MET: variants seen among roughly 807,000 people sequenced by gnomAD.
MET encodes the protein hepatocyte growth factor receptor.
A neutral mutation model predicts 133.1 loss-of-function variants in MET; 48 were observed. The ratio of observed to expected loss-of-function variants is 0.36; its 90% CI spans 0.29 to 0.46. The LOEUF is 0.46. Among genes scored for constraint, MET ranks in the 20% least tolerant of loss-of-function variants. The pLI, the probability that MET is intolerant of heterozygous loss-of-function variation, is 1.00. For synonymous variants in MET, 628 were observed against 616.5 expected (o/e 1.02, Z -0.28); for missense variants, 1,442 against 1,695.9 (o/e 0.85, Z 2.63).
intron 1 of MET, among the ~76,000 whole-genome samples, chr7:116,678,432 GT>G (rs3840635): frequency 0.6 from 91,505 of 151,568 alleles, 29,426 homozygotes; most frequent in African/African-American, 0.83. Flanking sequence ...GAAAATGTAT[GT>G]TTTTTTTTAA....
At chr7:116,723,755 G>C (rs1400781732) in intron 2 of MET, among the ~76,000 whole-genome samples, 3 of 152,196 alleles carry the variant, frequency 2.0e-5, no homozygotes, top group Non-Finnish European at 4.4e-5. Flanking sequence ...TGAGGTGTCA[G>C]TGTGCCCCTG....
chr7:116,739,693 T>C (rs1239692748), intron 3 of MET, among the ~76,000 whole-genome samples: 2 of 152,168 alleles, frequency 1.3e-5, no homozygotes, highest in Non-Finnish European at 2.9e-5. Flanking sequence ...GTGCTGCCAA[T>C]TGATTGAAAG....
intron 10 of MET, 105 bp downstream of exon 10, chr7:116,759,595 C>G (rs1412529742): frequency 7.7e-7 from 1 of 1,305,166 alleles, no homozygotes; most frequent in Admixed American, 2.0e-5. Flanking sequence ...TTAAGGTTTG[C>G]TAGTTAATTT....
At chr7:116,759,808 A>C (rs1439445236) in intron 10 of MET, among the ~76,000 whole-genome samples, 1 of 152,046 alleles carries the variant, frequency 6.6e-6, no homozygotes, top group African/African-American at 2.4e-5. Flanking sequence ...ACAGTATCTC[A>C]CCCTGTCATC....
intron 19 of MET, among the ~76,000 whole-genome samples, chr7:116,783,692 T>G (rs1795221294): frequency 6.6e-6 from 1 of 152,188 alleles, no homozygotes; most frequent in Non-Finnish European, 1.5e-5. Flanking sequence ...ACCAGCTCCT[T>G]AGGAAGCCCA....
At chr7:116,793,425 C>CT (rs1337643347) in intron 19 of MET, among the ~76,000 whole-genome samples, 16 of 151,572 alleles carry the variant, frequency 1.1e-4, no homozygotes, top group African/African-American at 3.6e-4. Flanking sequence ...TCTGCCCACC[C>CT]CCGCCTCCCA....
At chr7:116,711,206 C>T (rs956490139) in intron 2 of MET, among the ~76,000 whole-genome samples, 3 of 152,196 alleles carry the variant, frequency 2.0e-5, no homozygotes, top group African/African-American at 4.8e-5. Flanking sequence ...TTGTTTAATG[C>T]TGTGTTTCCT....
At chr7:116,781,302 C>A (rs1410677667) in intron 17 of MET, among the ~76,000 whole-genome samples, 1 of 152,120 alleles carries the variant, frequency 6.6e-6, no homozygotes, top group Admixed American at 6.5e-5. Flanking sequence ...ACAGGGTGTG[C>A]CTCCTCCTCT....
chr7:116,735,924 G>A (rs1401842100), intron 3 of MET, among the ~76,000 whole-genome samples: 6 of 151,868 alleles, frequency 4.0e-5, no homozygotes, highest in African/African-American at 1.2e-4. Flanking sequence ...TTACAGGCAC[G>A]TACCACCATG....
chr7:116,757,434 C>A lies in MET; in HGVS notation c.1863-3C>A. ...TGTATTAAACTTTGGGTTTTTTTTC[C>A]AGATTGAAATGCACAGTTGGTCCTG... is the stretch of plus-strand genomic sequence containing the variant. On this transcript the variant is annotated splice_region_variant and splice_polypyrimidine_tract_variant and intron_variant, in intron 6 of 20. Transcript: ENST00000397752. 6.2e-7 allele frequency: 1 copy of A among 1,612,196 alleles called. No homozygotes were observed. The highest frequency in any genetic ancestry group is 1.1e-5 in the South Asian group (1 of 91,006).
At chr7:116,759,122 T>C (rs1232105599) in intron 9 of MET, among the ~76,000 whole-genome samples, 1 of 152,274 alleles carries the variant, frequency 6.6e-6, no homozygotes. Flanking sequence ...CGGTTTTCTT[T>C]GTATTTTTTT....
chr7:116,734,372 T>G (rs1163426074), intron 3 of MET, among the ~76,000 whole-genome samples: 1 of 152,258 alleles, frequency 6.6e-6, no homozygotes, highest in African/African-American at 2.4e-5. Context: ...TTTCCTATTG[T>G]GCTTATGTTC....
intron 3 of MET, among the ~76,000 whole-genome samples, chr7:116,732,194 A>G (rs1196516677): frequency 6.6e-6 from 1 of 152,052 alleles, no homozygotes; most frequent in African/African-American, 2.4e-5. Context: ...TTTTTATTTC[A>G]AGGGAAGCTA....
intron 2 of MET, among the ~76,000 whole-genome samples, chr7:116,719,517 G>A (rs1282980380): frequency 3.9e-5 from 6 of 152,020 alleles, no homozygotes; most frequent in Non-Finnish European, 8.8e-5. Flanking sequence ...GTCAATTTTG[G>A]CTTTTGTTGC....
intron 17 of MET, among the ~76,000 whole-genome samples, 195 bp downstream of exon 17, chr7:116,779,152 A>G (rs1795080464): frequency 6.6e-6 from 1 of 152,190 alleles, no homozygotes; most frequent in Non-Finnish European, 1.5e-5. Context: ...TCCTGGAGCA[A>G]TGATTCTTAC....
chr7:116,774,340 C>T (rs1461621226), intron 14 of MET, among the ~76,000 whole-genome samples: 1 of 152,222 alleles, frequency 6.6e-6, no homozygotes, highest in African/African-American at 2.4e-5. Context: ...AGTGCCATCA[C>T]TGCACAGTGG....
chr7:116,779,033 A>G (rs769827488), intron 17 of MET, 76 bp downstream of exon 17: 31 of 1,460,760 alleles, frequency 2.1e-5, no homozygotes, highest in Middle Eastern at 2.2e-4. Flanking sequence ...GCCTGCTCTG[A>G]GTCTTTAAAA....
intron 2 of MET, among the ~76,000 whole-genome samples, chr7:116,718,827 A>AT (rs1428199845): frequency 6.8e-6 from 1 of 146,284 alleles, no homozygotes; most frequent in African/African-American, 2.5e-5. Context: ...TGAACTCATC[A>AT]TTTTTTATGG....
chr7:116,682,778 A>G (rs543519144), intron 1 of MET, among the ~76,000 whole-genome samples: 6 of 152,110 alleles, frequency 3.9e-5, no homozygotes, highest in Admixed American at 2.0e-4. Context: ...CTCCAGTCCA[A>G]TTTTTCGCCA....
Sources: gnomAD v4.1 joint callset for allele counts (sites outside exome capture counted in the v4.1 genomes callset) on GRCh38, gnomAD v4.1.1 for gene constraint, MANE v1.5 for transcripts, NCBI Gene and HGNC (gene_info 2026-07-23, HGNC 2026-07-21) for gene names.